The following PLCH1 variants were observed in gnomAD, a reference collection of about 807,000 sequenced individuals.
PLCH1 encodes the protein phospholipase C eta 1.
A neutral mutation model predicts 126.7 loss-of-function variants in PLCH1; 60 were observed. That is an observed-to-expected ratio of 0.47 (90% CI 0.38 to 0.59). The LOEUF (loss-of-function observed/expected upper bound fraction) is 0.59, where lower values mean the gene tolerates loss of function less well. PLCH1 is among the 20% of genes least tolerant of loss of function. The pLI is 0.00. For synonymous variants in PLCH1, 719 were observed against 734.9 expected (o/e 0.98, Z 0.35); for missense variants, 1,723 against 2,040.0 (o/e 0.84, Z 2.99).
chr3:155,452,963 G>A (rs1285227866), intron 21 of PLCH1, among the ~76,000 whole-genome samples: 1 of 152,162 alleles, frequency 6.6e-6, no homozygotes, highest in Non-Finnish European at 1.5e-5. Flanking sequence ...TTAAAATGAG[G>A]ATATCGATCA....
chr3:155,574,114 C>A (rs1729617082), intron 6 of PLCH1, among the ~76,000 whole-genome samples: 1 of 152,072 alleles, frequency 6.6e-6, no homozygotes, highest in African/African-American at 2.4e-5. Flanking sequence ...GGGGTTTCAC[C>A]ATATTGGCCA....
At chr3:155,474,098 C>T (rs1225871017) in intron 21 of PLCH1, among the ~76,000 whole-genome samples, 1 of 152,100 alleles carries the variant, frequency 6.6e-6, no homozygotes, top group Non-Finnish European at 1.5e-5. Context: ...AACTAAAGAG[C>T]TTCTGCACAG....
Position 155,482,763 on chromosome 3 carries a change from A to T in PLCH1, c.3263T>A (p.Val1088Asp), listed in dbSNP as rs766483499. Residue 1088 changes from valine (V) to aspartate (D), a missense_variant, in exon 23 of 23, where the codon GTT (valine) becomes GAT (aspartate). Physicochemically the swap from Val to Asp is radical, Grantham distance 152. Around this residue, in one of 2 missense-constraint regions of PLCH1, gnomAD observed 947 missense variants for 977.1 expected, o/e 0.97. Transcript: ENST00000460012. ...PKQHLAPDPV[V>D]NPTQDLHGVK... ...ACCATGCAGATCTTGTGTGGGGTTA[A>T]CTACAGGATCGGGAGCCAAATGCTG... 2 of 1,614,054 alleles carry T rather than the reference A, an allele frequency of 1.2e-6. No individual in the cohort carries two copies. The highest frequency in any genetic ancestry group is 2.7e-5 in the African/African-American group (2 of 74,928).
At chr3:155,598,343 C>G (rs1300480957) in intron 2 of PLCH1, among the ~76,000 whole-genome samples, 1 of 152,184 alleles carries the variant, frequency 6.6e-6, no homozygotes, top group Non-Finnish European at 1.5e-5. Flanking sequence ...GAATTCTTGA[C>G]AGCCACATTA....
At chr3:155,732,877 C>CAAAAAAAAAA (rs71155063) in intron 1 of PLCH1, among the ~76,000 whole-genome samples, 1 of 80,256 alleles carries the variant, frequency 1.2e-5, no homozygotes, top group Non-Finnish European at 2.3e-5. Flanking sequence ...GACTGCATCT[C>CAAAAAAAAAA]AAAAAAAAAA....
chr3:155,552,075 G>T (rs1726222177), intron 9 of PLCH1, among the ~76,000 whole-genome samples: 1 of 152,100 alleles, frequency 6.6e-6, no homozygotes, highest in South Asian at 2.1e-4. Context: ...AACTAAATCT[G>T]CTATACAGCA....
intron 2 of PLCH1, among the ~76,000 whole-genome samples, chr3:155,602,554 G>C (rs1172539381): frequency 6.6e-6 from 1 of 152,154 alleles, no homozygotes; most frequent in Admixed American, 6.5e-5. Context: ...TATTCACACA[G>C]ACCTAGATTG....
chr3:155,734,819 C>T (rs1051377813), intron 1 of PLCH1, among the ~76,000 whole-genome samples: 2 of 151,926 alleles, frequency 1.3e-5, no homozygotes, highest in Admixed American at 1.3e-4. Flanking sequence ...CGCCATTCTC[C>T]TGCCTCAGCC....
chr3:155,601,517 G>T (rs1480425233), intron 2 of PLCH1, among the ~76,000 whole-genome samples: 1 of 151,834 alleles, frequency 6.6e-6, no homozygotes, highest in East Asian at 1.9e-4. Context: ...TATATGATTA[G>T]TATATGTCAT....
At chr3:155,735,508 C>T (rs1164354024) in intron 1 of PLCH1, among the ~76,000 whole-genome samples, 6 of 151,830 alleles carry the variant, frequency 4.0e-5, no homozygotes, top group Non-Finnish European at 8.8e-5. Flanking sequence ...GTGGCAGGCA[C>T]CTGTAATCCC....
chr3:155,561,544 T>G (rs1727624952), intron 8 of PLCH1, among the ~76,000 whole-genome samples: 1 of 151,880 alleles, frequency 6.6e-6, no homozygotes, highest in African/African-American at 2.4e-5. Flanking sequence ...TGTTGGACAT[T>G]TGGGTTGGTT....
At chr3:155,698,406 T>G (rs1745995138) in intron 2 of PLCH1, among the ~76,000 whole-genome samples, 1 of 152,038 alleles carries the variant, frequency 6.6e-6, no homozygotes. Flanking sequence ...ACATTAAAGG[T>G]TTTTTCCTTT....
chr3:155,617,473 C>CGG (rs1553857194), intron 2 of PLCH1, among the ~76,000 whole-genome samples: 12 of 151,730 alleles, frequency 7.9e-5, no homozygotes, highest in African/African-American at 2.9e-4. Flanking sequence ...TTTGGTTTTT[C>CGG]AGTCAAGAAA....
intron 21 of PLCH1, among the ~76,000 whole-genome samples, chr3:155,467,756 A>G (rs191471509): frequency 1.3e-5 from 2 of 152,348 alleles, no homozygotes; most frequent in African/African-American, 4.8e-5. Flanking sequence ...TGGCAAAAAT[A>G]TCTTTCAAAC....
At chr3:155,497,130 A>C (rs1478278778) in intron 15 of PLCH1, among the ~76,000 whole-genome samples, 190 bp downstream of exon 15, 1 of 152,238 alleles carries the variant, frequency 6.6e-6, no homozygotes, top group East Asian at 1.9e-4. Context: ...AGGCAACCAC[A>C]GTAATCAGTA....
intron 22 of PLCH1, among the ~76,000 whole-genome samples, chr3:155,484,633 G>C (rs1024692504): frequency 1.3e-5 from 2 of 152,200 alleles, no homozygotes; most frequent in Admixed American, 1.3e-4. Context: ...TTTACCCCCA[G>C]ATAGGATGGG....
At chr3:155,543,198 C>T (rs938384561) in intron 10 of PLCH1, among the ~76,000 whole-genome samples, 1 of 152,084 alleles carries the variant, frequency 6.6e-6, no homozygotes, top group Non-Finnish European at 1.5e-5. Flanking sequence ...CTTAAAGGAG[C>T]CGATGGAGCT....
intron 6 of PLCH1, among the ~76,000 whole-genome samples, chr3:155,575,693 C>CA (rs1729848738): frequency 6.6e-6 from 1 of 152,116 alleles, no homozygotes; most frequent in African/African-American, 2.4e-5. Flanking sequence ...ATTTTAGAGA[C>CA]AGAGTCTTGC....
At position 155,529,758 on chromosome 3, in the gene PLCH1, T is replaced by TG. The variant is rs1276309236; in HGVS notation, c.1363-5755_1363-5754insC. Among the ~76,000 whole-genome samples, 739 of 135,470 alleles carry TG rather than the reference T, an allele frequency of 5.5e-3. 2 individuals carry two copies. The highest frequency in any genetic ancestry group is 0.019 in the African/African-American group (700 of 37,726). The allele number at this position is 135,470 out of a possible 152,430, so 88.9% of individuals were successfully genotyped here. A position where few individuals can be genotyped will look rare whatever the true frequency, so the allele number is the denominator to read the frequency against. ...TTAGGTGACTGTGGCAATTTGCTTC[T>TG]TTTTTGTTTTGTTTTGTTTTGTTTT... On this transcript the variant is annotated intron_variant, in intron 10 of 22. Transcript: ENST00000460012.
Sources: gnomAD v4.1 joint callset for allele counts (sites outside exome capture counted in the v4.1 genomes callset) on GRCh38, gnomAD v4.1.1 for gene constraint, gnomAD v4.1.1 regional missense constraint, MANE v1.5 for transcripts, NCBI Gene and HGNC (gene_info 2026-07-23, HGNC 2026-07-21) for gene names.